Variants in C1orf21 observed in about 807,000 individuals in gnomAD.
C1orf21 encodes the protein chromosome 1 open reading frame 21, also known as uncharacterized protein C1orf21.
In C1orf21, 3 loss-of-function variants were observed where a neutral mutation model predicts 18.7. The observed-to-expected ratio is 0.16, with a 90% CI of 0.07 to 0.42. The LOEUF (loss-of-function observed/expected upper bound fraction) is 0.42, where lower values mean the gene tolerates loss of function less well. Ranked by LOEUF, C1orf21 falls within the 10% of genes least tolerant of loss-of-function variation. The pLI is 0.99. For missense variants in C1orf21, 104 were observed against 143.6 expected, an observed-to-expected ratio of 0.72 and a Z score of 1.41; for synonymous variants, 41 against 46.4, an observed-to-expected ratio of 0.88 and a Z score of 0.47.
intron 5 of C1orf21, among the ~76,000 whole-genome samples, chr1:184,607,798 A>G (rs1438390244): frequency 2.0e-5 from 3 of 151,786 alleles, no homozygotes; most frequent in Admixed American, 2.0e-4. Flanking sequence ...GATTTCAAAT[A>G]CAATTATTAA....
At chr1:184,462,359 A>G (rs1466406354) in intron 1 of C1orf21, among the ~76,000 whole-genome samples, 1 of 152,140 alleles carries the variant, frequency 6.6e-6, no homozygotes, top group Non-Finnish European at 1.5e-5. Flanking sequence ...TTTATATCCC[A>G]TGACACTCAG....
chr1:184,567,248 C>T (rs1659047282), intron 3 of C1orf21: 1 of 465,130 alleles, frequency 2.1e-6, no homozygotes, highest in African/African-American at 2.0e-5. Context: ...TCCAGAGGAG[C>T]TCCATGTTCA....
At chr1:184,585,618 C>G (rs1473192815) in intron 3 of C1orf21, among the ~76,000 whole-genome samples, 2 of 152,190 alleles carry the variant, frequency 1.3e-5, no homozygotes, top group African/African-American at 4.8e-5. Flanking sequence ...TCTCCCACCT[C>G]CCACCTTCCA....
chr1:184,579,534 G>T (rs1659247483), intron 3 of C1orf21, among the ~76,000 whole-genome samples: 1 of 139,820 alleles, frequency 7.2e-6, no homozygotes, highest in Non-Finnish European at 1.5e-5. Flanking sequence ...GTTTAAGATG[G>T]AGTTTCACTC....
At chr1:184,539,512 G>C (rs967360689) in intron 3 of C1orf21, among the ~76,000 whole-genome samples, 1 of 152,184 alleles carries the variant, frequency 6.6e-6, no homozygotes, top group African/African-American at 2.4e-5. Flanking sequence ...GTATAAATAA[G>C]TTAGTAAATG....
At chr1:184,397,725 G>A (rs1656083934) in intron 1 of C1orf21, among the ~76,000 whole-genome samples, 1 of 152,146 alleles carries the variant, frequency 6.6e-6, no homozygotes. Context: ...TATAACTTAT[G>A]CGAGCACCCA....
At chr1:184,573,601 G>A (rs1035593440) in intron 3 of C1orf21, among the ~76,000 whole-genome samples, 3 of 152,104 alleles carry the variant, frequency 2.0e-5, no homozygotes, top group East Asian at 1.9e-4. Flanking sequence ...GCATGTTTAC[G>A]TAAAATTAAA....
intron 3 of C1orf21, among the ~76,000 whole-genome samples, chr1:184,586,281 T>C (rs1287440936): frequency 7.3e-6 from 1 of 136,866 alleles, no homozygotes; most frequent in East Asian, 2.2e-4. Context: ...ATGTCTTTTG[T>C]CCACTTTTTT....
intron 2 of C1orf21, among the ~76,000 whole-genome samples, chr1:184,498,522 T>C (rs1257239840): frequency 6.6e-6 from 1 of 152,168 alleles, no homozygotes; most frequent in African/African-American, 2.4e-5. Flanking sequence ...TAACCGTCAG[T>C]CTCGATGGCA....
At chr1:184,390,545 T>A (rs559519826) in intron 1 of C1orf21, among the ~76,000 whole-genome samples, 1 of 152,198 alleles carries the variant, frequency 6.6e-6, no homozygotes, top group Non-Finnish European at 1.5e-5. Context: ...CTCAGAGATA[T>A]TGGGTCGATC....
At chr1:184,512,737 T>A (rs1459019151) in intron 3 of C1orf21, among the ~76,000 whole-genome samples, 2 of 152,296 alleles carry the variant, frequency 1.3e-5, no homozygotes, top group Non-Finnish European at 2.9e-5. Context: ...AAGTTCCTCA[T>A]CTGGAACCTG....
At chr1:184,506,563 A>G (rs1658064353) in intron 2 of C1orf21, among the ~76,000 whole-genome samples, 1 of 152,168 alleles carries the variant, frequency 6.6e-6, no homozygotes, top group Non-Finnish European at 1.5e-5. Context: ...ATAGTTAGAC[A>G]TTACTTCATG....
At chr1:184,484,449 C>T (rs1176943284) in intron 2 of C1orf21, among the ~76,000 whole-genome samples, 7 of 152,192 alleles carry the variant, frequency 4.6e-5, no homozygotes, top group Admixed American at 4.6e-4. Context: ...CCTGCCATCC[C>T]AGAATACTTT....
intron 3 of C1orf21, among the ~76,000 whole-genome samples, chr1:184,586,255 T>G (rs957834194): frequency 2.0e-5 from 3 of 151,826 alleles, no homozygotes; most frequent in African/African-American, 7.3e-5. Context: ...TGTCTTCTTT[T>G]GAGAAGTGTT....
At chr1:184,611,513 C>T (rs1659736064) in intron 5 of C1orf21, among the ~76,000 whole-genome samples, 1 of 152,260 alleles carries the variant, frequency 6.6e-6, no homozygotes, top group South Asian at 2.1e-4. Context: ...TGCACAGATG[C>T]TCAAGCTGCA....
At chr1:184,418,842 A>T (rs997294305) in intron 1 of C1orf21, among the ~76,000 whole-genome samples, 1 of 152,206 alleles carries the variant, frequency 6.6e-6, no homozygotes, top group African/African-American at 2.4e-5. Context: ...TTAGTAGCTC[A>T]TGCCAGTTCC....
chr1:184,523,429 T>G (rs1658333626), intron 3 of C1orf21, among the ~76,000 whole-genome samples: 1 of 152,134 alleles, frequency 6.6e-6, no homozygotes, highest in Non-Finnish European at 1.5e-5. Context: ...CTACAAAATA[T>G]CTGACTGGTA....
At chr1:184,568,469 A>G in intron 3 of C1orf21, 2 of 470,660 alleles carry the variant, frequency 4.2e-6, no homozygotes, top group Non-Finnish European at 8.8e-6. Flanking sequence ...ATTTTAGAGA[A>G]GTTCTTATGT....
intron 3 of C1orf21, among the ~76,000 whole-genome samples, chr1:184,589,445 C>T (rs1287607405): frequency 1.3e-5 from 2 of 152,220 alleles, no homozygotes; most frequent in African/African-American, 2.4e-5. Context: ...GACATGGGCC[C>T]TGCCCTTCTG....
Sources: gnomAD v4.1 joint callset for allele counts (sites outside exome capture counted in the v4.1 genomes callset) on GRCh38, gnomAD v4.1.1 for gene constraint, MANE v1.5 for transcripts, NCBI Gene and HGNC (gene_info 2026-07-23, HGNC 2026-07-21) for gene names.